MYO18A: variants seen among roughly 807,000 people sequenced by gnomAD.
MYO18A encodes the protein unconventional myosin-XVIIIa.
A neutral mutation model predicts 235.8 loss-of-function variants in MYO18A; 78 were observed. The observed-to-expected ratio is 0.33, with a 90% CI of 0.28 to 0.40. MYO18A has a LOEUF of 0.40. Ranked by LOEUF, MYO18A falls within the 10% of genes least tolerant of loss-of-function variation. MYO18A has a pLI of 1.00. For synonymous variants in MYO18A, 977 were observed against 1,077.8 expected (o/e 0.91, Z 1.83); for missense variants, 2,215 against 2,699.3 (o/e 0.82, Z 3.98).
intron 15 of MYO18A, 54 bp downstream of exon 15, chr17:29,113,957 G>A: frequency 7.2e-7 from 1 of 1,394,822 alleles, no homozygotes; most frequent in Non-Finnish European, 1.0e-6. Context: ...ACCACGGGGA[G>A]AGGGGTGGGG....
chr17:29,116,613 G>GCACACGCACACACACACA (rs2067070086), intron 10 of MYO18A, among the ~76,000 whole-genome samples, 158 bp from the exon 11 acceptor site: 1 of 144,806 alleles, frequency 6.9e-6, no homozygotes, highest in Non-Finnish European at 1.5e-5. Context: ...TGGGACAAAC[G>GCACACGCACACACACACA]CACACACACA....
intron 2 of MYO18A, among the ~76,000 whole-genome samples, chr17:29,141,437 G>GA (rs56208330): frequency 0.23 from 32,288 of 142,392 alleles, 4,524 homozygotes; most frequent in Non-Finnish European, 0.31. Flanking sequence ...TCCTCTTTAG[G>GA]AAAAAAAAAA....
chr17:29,138,187 A>G (rs1264353786), intron 2 of MYO18A, among the ~76,000 whole-genome samples: 1 of 152,144 alleles, frequency 6.6e-6, no homozygotes, highest in Non-Finnish European at 1.5e-5. Flanking sequence ...CAGGCCTGGA[A>G]TGCCTGGCCT....
At chr17:29,105,374 G>A (rs1598309327) in intron 20 of MYO18A, among the ~76,000 whole-genome samples, 1 of 151,938 alleles carries the variant, frequency 6.6e-6, no homozygotes, top group Admixed American at 6.6e-5. Flanking sequence ...TCCTTCCAGA[G>A]AGCAAAACCT....
In MYO18A at chr17:29,140,540, G is replaced by A. The variant is rs968026465; in HGVS notation, c.1000-18287C>T. The A allele has an allele frequency of 1.7e-6, 1 of 586,064 alleles. No individual in the cohort carries two copies. The highest frequency in any genetic ancestry group is 2.0e-5 in the African/African-American group (1 of 49,814). The allele number at this position is 586,064 out of a possible 1,614,324, so 36.3% of individuals were successfully genotyped here. A position where few individuals can be genotyped will look rare whatever the true frequency, so the allele number is the denominator to read the frequency against. ...TTCGGGTATCAGGTATGCCAGGAGG[G>A]AGAGGGTGATACAGCAGTGTGTGTG... On this transcript the variant is annotated intron_variant, in intron 2 of 41. Coordinates refer to ENST00000527372, the MANE Select transcript of MYO18A (RefSeq NM_078471.4). This position sits in a 1 kb window ranked among gnomAD's most constrained non-coding sequence, Gnocchi z 4.2.
intron 1 of MYO18A, among the ~76,000 whole-genome samples, chr17:29,178,815 A>C (rs190926177): frequency 3.9e-5 from 6 of 152,338 alleles, no homozygotes; most frequent in African/African-American, 1.2e-4. Context: ...GCTCCAAAGC[A>C]CAAGGGAAAG....
At chr17:29,097,724 C>T in intron 26 of MYO18A, 64 bp downstream of exon 26, 1 of 1,427,996 alleles carries the variant, frequency 7.0e-7, no homozygotes, top group Non-Finnish European at 9.7e-7. Flanking sequence ...GCATGACTAC[C>T]CAGGGGTGGG....
chr17:29,142,972 T>G (rs1286562631), intron 2 of MYO18A, among the ~76,000 whole-genome samples: 1 of 152,132 alleles, frequency 6.6e-6, no homozygotes, highest in African/African-American at 2.4e-5. Flanking sequence ...CACGCCCAGC[T>G]AATTTTTGTA....
In MYO18A at chr17:29,140,572, AAGG is replaced by A. The variant is rs1260603067; in HGVS notation, c.1000-18322_1000-18320del. The A allele has an allele frequency of 5.5e-6, 2 of 364,786 alleles. No homozygotes were observed. The highest frequency in any genetic ancestry group is 9.1e-6 in the Non-Finnish European group (2 of 218,652). The allele number at this position is 364,786 out of a possible 1,614,324, so 22.6% of individuals were successfully genotyped here. A position where few individuals can be genotyped will look rare whatever the true frequency, so the allele number is the denominator to read the frequency against. The stretch of plus-strand genomic sequence containing the variant: ...TGATACAGCAGTGTGTGTGGAAGGG[AAGG>A]AGAAGGCTCTTAGGGTAAAGCCATT... On this transcript the variant is annotated intron_variant, in intron 2 of 41. Transcript: ENST00000527372. The surrounding 1 kb of genome is among the most constrained non-coding windows in gnomAD (Gnocchi z 4.2).
rs765533341 is a variant in MYO18A at position 29,158,534 on chromosome 17, C to T, written c.999+7408G>A. On this transcript the variant is annotated intron_variant, in intron 2 of 41. Transcript: ENST00000527372. The surrounding 1 kb of genome is among the most constrained non-coding windows in gnomAD (Gnocchi z 4.3). ...CGCAGTGGCTGTCTGGCATGGTGGG[C>T]GCCCTCAGTGCTGCCAGATGCCTGG... is the stretch of plus-strand genomic sequence containing the variant. Among the ~76,000 whole-genome samples the T allele has an allele frequency of 1.5e-4, 23 of 152,176 alleles. No homozygotes were observed. Among genetic ancestry groups the T allele is most frequent in the Admixed American group, 3.3e-4 (5 of 15,288 alleles).
chr17:29,133,250 C>T (rs972821799), intron 2 of MYO18A, among the ~76,000 whole-genome samples: 37 of 152,244 alleles, frequency 2.4e-4, no homozygotes, highest in Middle Eastern at 3.2e-3. Context: ...TCCTCCCTCC[C>T]CCATCAGAAG....
intron 14 of MYO18A, among the ~76,000 whole-genome samples, chr17:29,114,586 G>A (rs866406965): frequency 5.3e-5 from 8 of 152,328 alleles, no homozygotes; most frequent in Middle Eastern, 3.4e-3. Flanking sequence ...AGACGGGAAG[G>A]CCAGGCCCAG....
chr17:29,123,010 C>T (rs1490080370), intron 2 of MYO18A, among the ~76,000 whole-genome samples: 1 of 152,222 alleles, frequency 6.6e-6, no homozygotes, highest in African/African-American at 2.4e-5. Context: ...GGCAGCCCTG[C>T]CCTGTCAAAC....
Position 29,105,352 on chromosome 17 carries a change from G to A in MYO18A, c.3442-1688C>T, listed in dbSNP as rs546270854. 8.5e-5 allele frequency among the ~76,000 whole-genome samples: 13 copies of A among 152,124 alleles called. No individual in the cohort carries two copies. In the East Asian group the frequency reaches 1.9e-3, roughly 23 times the overall value. ...GAGGCAGAGCACAGTCCAGGGAGACGATGACAGAGGCTCCTTCCAGAGAGC... is the reference window on the plus strand; with the variant it reads ...GAGGCAGAGCACAGTCCAGGGAGACAATGACAGAGGCTCCTTCCAGAGAGC... On this transcript the variant is annotated intron_variant, in intron 20 of 41. Transcript: ENST00000527372.
At chr17:29,173,931 C>T (rs1434720509) in intron 1 of MYO18A, among the ~76,000 whole-genome samples, 1 of 152,116 alleles carries the variant, frequency 6.6e-6, no homozygotes, top group East Asian at 1.9e-4. Flanking sequence ...GCCACCATTA[C>T]TGGCTAACTT....
intron 2 of MYO18A, among the ~76,000 whole-genome samples, chr17:29,145,810 A>C (rs963809586): frequency 1.3e-5 from 2 of 152,244 alleles, no homozygotes; most frequent in Non-Finnish European, 2.9e-5. Context: ...ATAACAGTCT[A>C]GGGAAGTTCA....
chr17:29,168,187 A>G (rs9905374), intron 1 of MYO18A, among the ~76,000 whole-genome samples: 11,028 of 151,438 alleles, frequency 0.073, 548 homozygotes, highest in South Asian at 0.16. Flanking sequence ...GGGGTGGGGT[A>G]GGGTCCACTG....
At chr17:29,108,398 C>T (rs2066844840) in intron 19 of MYO18A, among the ~76,000 whole-genome samples, 1 of 152,192 alleles carries the variant, frequency 6.6e-6, no homozygotes, top group Non-Finnish European at 1.5e-5. Flanking sequence ...CTTACCAGAG[C>T]CCAGGGTGGA....
Position 29,121,773 on chromosome 17 carries a change from C to T in MYO18A, c.1195-50G>A, listed in dbSNP as rs765758725. ...GTATTAGAGCAGCAGAGCCCATCTC[C>T]GCTGCCAGAGGATGGGCCTGCCCTG... is the stretch of plus-strand genomic sequence containing the variant. On this transcript the variant is annotated intron_variant, in intron 4 of 41. Coordinates refer to ENST00000527372, the MANE Select transcript of MYO18A (RefSeq NM_078471.4). The surrounding 1 kb of genome is among the most constrained non-coding windows in gnomAD (Gnocchi z 4.2). 39 of 1,602,696 alleles carry T rather than the reference C, an allele frequency of 2.4e-5. No homozygotes were observed. In the East Asian group the frequency reaches 4.0e-4, roughly 17 times the overall value.
Sources: gnomAD v4.1 joint callset for allele counts (sites outside exome capture counted in the v4.1 genomes callset) on GRCh38, gnomAD v4.1.1 for gene constraint, Gnocchi (gnomAD v3.1) non-coding constraint, MANE v1.5 for transcripts, NCBI Gene and HGNC (gene_info 2026-07-23, HGNC 2026-07-21) for gene names.